Variants in OTUD7A observed in about 807,000 individuals in gnomAD.
The protein encoded by OTUD7A is OTU domain-containing protein 7A.
Under a neutral mutation model 65.7 loss-of-function variants are expected in OTUD7A, and 12 were observed. The observed-to-expected ratio is 0.18, with a 90% CI of 0.12 to 0.30. OTUD7A has a LOEUF of 0.30. OTUD7A is among the 10% of genes least tolerant of loss of function. The pLI is 1.00. For missense variants in OTUD7A, 1,148 were observed against 1,304.8 expected, an observed-to-expected ratio of 0.88 and a Z score of 1.85; for synonymous variants, 641 against 586.3, an observed-to-expected ratio of 1.09 and a Z score of -1.35.
chr15:31,745,932 A>G (rs1894463903), intron 1 of OTUD7A, among the ~76,000 whole-genome samples: 1 of 152,176 alleles, frequency 6.6e-6, no homozygotes, highest in South Asian at 2.1e-4. Context: ...GTAGATGAAA[A>G]AGTGCTCAAC....
chr15:31,506,972 A>C (rs1378250401), intron 8 of OTUD7A, among the ~76,000 whole-genome samples: 1 of 152,230 alleles, frequency 6.6e-6, no homozygotes, highest in African/African-American at 2.4e-5. Flanking sequence ...ATGTGTACAA[A>C]TGTAATAGTG....
chr15:31,762,564 C>T (rs1042313136), intron 1 of OTUD7A, among the ~76,000 whole-genome samples: 26 of 152,226 alleles, frequency 1.7e-4, no homozygotes, highest in African/African-American at 6.3e-4. Context: ...AAACAGTACA[C>T]CAAAGGCTTT....
At chr15:31,688,327 G>C (rs2067825) in intron 1 of OTUD7A, among the ~76,000 whole-genome samples, 79,316 of 152,056 alleles carry the variant, frequency 0.52, 23,684 homozygotes, top group South Asian at 0.72. Context: ...GCTGGAAAGA[G>C]AAATGGAGGA....
chr15:31,719,919 G>A (rs564514109), intron 1 of OTUD7A, among the ~76,000 whole-genome samples: 7 of 152,090 alleles, frequency 4.6e-5, no homozygotes, highest in Admixed American at 6.5e-5. Context: ...CTCAGGCCTC[G>A]ACCATCCTCC....
chr15:31,543,798 T>C (rs1478723685), intron 5 of OTUD7A, among the ~76,000 whole-genome samples: 1 of 151,822 alleles, frequency 6.6e-6, no homozygotes, highest in Non-Finnish European at 1.5e-5. Context: ...TACTCAATCA[T>C]GATGAAAGAT....
chr15:31,570,885 G>A (rs564227994), intron 3 of OTUD7A, among the ~76,000 whole-genome samples: 53 of 152,302 alleles, frequency 3.5e-4, no homozygotes, highest in South Asian at 1.7e-3. Context: ...TCTGATTCCC[G>A]ACTCTGAGAG....
intron 1 of OTUD7A, among the ~76,000 whole-genome samples, chr15:31,863,409 A>T (rs1212966572): frequency 6.6e-6 from 1 of 152,170 alleles, no homozygotes; most frequent in Non-Finnish European, 1.5e-5. Flanking sequence ...CCTGCAGCAA[A>T]CTTTTACCTG....
At chr15:31,586,790 T>A (rs4779896) in intron 3 of OTUD7A, among the ~76,000 whole-genome samples, 1 of 151,808 alleles carries the variant, frequency 6.6e-6, no homozygotes, top group African/African-American at 2.4e-5. Flanking sequence ...CTTAGCCATG[T>A]TCTTCTTGGC....
chr15:31,751,372 T>C (rs550070070), intron 1 of OTUD7A, among the ~76,000 whole-genome samples: 24 of 152,010 alleles, frequency 1.6e-4, no homozygotes, highest in African/African-American at 5.3e-4. Flanking sequence ...AAAGACACCA[T>C]CTCATACCAG....
At chr15:31,560,296 C>T (rs1484394188) in intron 4 of OTUD7A, among the ~76,000 whole-genome samples, 2 of 152,252 alleles carry the variant, frequency 1.3e-5, no homozygotes, top group African/African-American at 4.8e-5. Context: ...ATGTGTTTCT[C>T]TTCTGTCTGG....
Position 31,512,894 on chromosome 15 carries a change from T to C in OTUD7A, c.894-9076A>G, listed in dbSNP as rs917183216. On this transcript the variant is annotated intron_variant, in intron 8 of 12. Transcript: ENST00000307050. Reference sequence around the variant, plus strand: ...ATGTTAGCACAGGTCTTTGAATAAATTTTGCTTCTAAAAGAAGTTACTATT... The same window carrying C: ...ATGTTAGCACAGGTCTTTGAATAAACTTTGCTTCTAAAAGAAGTTACTATT... 1.3e-5 allele frequency among the ~76,000 whole-genome samples: 2 copies of C among 152,336 alleles called. 1 individual carries two copies. Among genetic ancestry groups the C allele is most frequent in the East Asian group, 3.8e-4 (2 of 5,196 alleles).
intron 1 of OTUD7A, among the ~76,000 whole-genome samples, chr15:31,698,599 C>T (rs1024545451): frequency 2.0e-5 from 3 of 151,582 alleles, no homozygotes; most frequent in East Asian, 3.9e-4. Context: ...TAAAGGCTAC[C>T]GAGGCCTGGG....
chr15:31,573,874 C>T (rs1889124986), intron 3 of OTUD7A, among the ~76,000 whole-genome samples: 1 of 152,104 alleles, frequency 6.6e-6, no homozygotes, highest in Admixed American at 6.5e-5. Flanking sequence ...GCATGCCAGC[C>T]TGGGCGACAG....
chr15:31,506,653 G>T (rs1334282712), intron 8 of OTUD7A, among the ~76,000 whole-genome samples: 3 of 152,164 alleles, frequency 2.0e-5, no homozygotes, highest in Non-Finnish European at 4.4e-5. Flanking sequence ...TTTGCTTGGG[G>T]ATGGCTAAGC....
At chr15:31,626,905 T>A (rs1240487654) in intron 3 of OTUD7A, among the ~76,000 whole-genome samples, 2 of 141,536 alleles carry the variant, frequency 1.4e-5, no homozygotes, top group East Asian at 4.1e-4. Flanking sequence ...TTTTGTTTTT[T>A]TGTTTTTATG....
chr15:31,863,627 G>A (rs1897802951), intron 1 of OTUD7A, among the ~76,000 whole-genome samples: 1 of 152,204 alleles, frequency 6.6e-6, no homozygotes. Flanking sequence ...CAAGTCCCTA[G>A]GCTGCACACA....
chr15:31,494,516 C>G (rs912312197), intron 10 of OTUD7A, among the ~76,000 whole-genome samples: 8 of 152,156 alleles, frequency 5.3e-5, no homozygotes, highest in African/African-American at 1.9e-4. Context: ...TTGACTAAGA[C>G]AAAACTGGAA....
At chr15:31,743,046 C>T (rs2141374744) in intron 1 of OTUD7A, among the ~76,000 whole-genome samples, 1 of 152,176 alleles carries the variant, frequency 6.6e-6, no homozygotes, top group East Asian at 1.9e-4. Context: ...ACTGCTAGAA[C>T]AACTAGACAG....
chr15:31,841,334 G>A (rs566720183), intron 1 of OTUD7A, among the ~76,000 whole-genome samples: 4 of 152,168 alleles, frequency 2.6e-5, no homozygotes, highest in East Asian at 1.9e-4. Flanking sequence ...GAACTGCCTC[G>A]GAAATGAGGC....
Sources: allele counts gnomAD v4.1 joint callset (sites outside exome capture counted in the v4.1 genomes callset), GRCh38; gene constraint gnomAD v4.1.1; transcripts MANE v1.5; gene names NCBI Gene and HGNC (gene_info 2026-07-23, HGNC 2026-07-21).